FAF1: variants seen among roughly 807,000 people sequenced by gnomAD.
FAF1 encodes FAS-associated factor 1.
Under a neutral mutation model 92.5 loss-of-function variants are expected in FAF1, and 25 were observed. That is an observed-to-expected ratio of 0.27 (90% CI 0.20 to 0.38). The LOEUF is 0.38. FAF1 is among the 10% of genes least tolerant of loss of function. The pLI is 1.00. For missense variants in FAF1, 636 were observed against 793.3 expected (o/e 0.80, Z 2.38); for synonymous variants, 234 against 273.2 (o/e 0.86, Z 1.42).
chr1:50,659,222 TGAA>T (rs1655263652), intron 7 of FAF1, among the ~76,000 whole-genome samples: 1 of 137,738 alleles, frequency 7.3e-6, no homozygotes, highest in Non-Finnish European at 1.5e-5. Context: ...GGAGGGAAGA[TGAA>T]GAAATATGAG....
At chr1:50,606,666 A>AT (rs955006785) in intron 8 of FAF1, among the ~76,000 whole-genome samples, 14 of 151,632 alleles carry the variant, frequency 9.2e-5, no homozygotes, top group Admixed American at 1.3e-4. Flanking sequence ...CACCTGGCTA[A>AT]TTTTTTTGTA....
chr1:50,532,239 T>C (rs1366189030), intron 15 of FAF1, among the ~76,000 whole-genome samples: 3 of 152,166 alleles, frequency 2.0e-5, no homozygotes, highest in East Asian at 3.8e-4. Context: ...ATATGGAGCA[T>C]TGGATTTTTC....
Position 50,441,367 on chromosome 1 carries a change from T to G in FAF1, c.*73A>C. On this transcript the variant is annotated 3_prime_UTR_variant, in exon 19 of 19. Transcript: ENST00000396153. Reference sequence around the variant, plus strand: ...GAGTGAGACGAGCGTGTGGGTGGGTTGGCGAGGAGCCCTTCTCCTGACGCA... The same window carrying G: ...GAGTGAGACGAGCGTGTGGGTGGGTGGGCGAGGAGCCCTTCTCCTGACGCA... The G allele has an allele frequency of 2.3e-6, 2 of 874,968 alleles. No homozygotes were observed. Among genetic ancestry groups the G allele is most frequent in the Non-Finnish European group, 3.5e-6 (2 of 578,026 alleles). 54.2% of individuals were successfully genotyped at this position (874,968 alleles called of 1,614,324 possible). A position where few individuals can be genotyped will look rare whatever the true frequency, so the allele number is the denominator to read the frequency against.
chr1:50,759,373 T>C (rs1239253310), intron 4 of FAF1, among the ~76,000 whole-genome samples: 2 of 141,942 alleles, frequency 1.4e-5, no homozygotes, highest in Non-Finnish European at 3.0e-5. Flanking sequence ...CATTGTTCAA[T>C]TCCCACCTAT....
chr1:50,473,845 C>G (rs949831073), intron 18 of FAF1, among the ~76,000 whole-genome samples: 5 of 152,130 alleles, frequency 3.3e-5, no homozygotes, highest in African/African-American at 1.2e-4. Flanking sequence ...GCAAACCTGA[C>G]AGCCAATGTG....
chr1:50,441,136 A>ATTCTATTTAG lies in FAF1; in HGVS notation c.*294_*303dup, dbSNP rs1463692526. Reference sequence around the variant, plus strand: ...AAAGATGGGCACTGGAGAGGTAAAAATTCTATTTAGTGATCACTCACACTT... The same window carrying ATTCTATTTAG: ...AAAGATGGGCACTGGAGAGGTAAAAATTCTATTTAGTTCTATTTAGTGATCACTCACACTT... On this transcript the variant is annotated 3_prime_UTR_variant, in exon 19 of 19. Transcript: ENST00000396153. 5.7e-5 allele frequency: 15 copies of ATTCTATTTAG among 263,414 alleles called. No individual in the cohort carries two copies. Among genetic ancestry groups the ATTCTATTTAG allele is most frequent in the Non-Finnish European group, 9.3e-5 (13 of 139,742 alleles). The allele number at this position is 263,414 out of a possible 1,614,324, so 16.3% of individuals were successfully genotyped here.
intron 18 of FAF1, among the ~76,000 whole-genome samples, chr1:50,454,830 T>A (rs2148983002): frequency 6.6e-6 from 1 of 152,330 alleles, no homozygotes; most frequent in Non-Finnish European, 1.5e-5. Context: ...TGAGTCTGTC[T>A]CTCCAGCCAG....
intron 7 of FAF1, among the ~76,000 whole-genome samples, chr1:50,676,039 C>T (rs899992535): frequency 6.6e-6 from 1 of 152,138 alleles, no homozygotes; most frequent in Admixed American, 6.5e-5. Flanking sequence ...GGGTCTTTTT[C>T]CTAACATTTC....
At chr1:50,834,404 C>A (rs1048917332) in intron 2 of FAF1, among the ~76,000 whole-genome samples, 2 of 152,224 alleles carry the variant, frequency 1.3e-5, no homozygotes, top group African/African-American at 4.8e-5. Flanking sequence ...CCACTACCAA[C>A]ATGTCATCTC....
At chr1:50,729,347 G>A (rs928175395) in intron 6 of FAF1, among the ~76,000 whole-genome samples, 28 of 143,472 alleles carry the variant, frequency 2.0e-4, no homozygotes, top group Non-Finnish European at 3.1e-4. Context: ...GAGCCACCAC[G>A]CCCGGCCTAT....
intron 6 of FAF1, among the ~76,000 whole-genome samples, chr1:50,714,439 G>T (rs1234977840): frequency 2.0e-5 from 3 of 152,032 alleles, no homozygotes; most frequent in Non-Finnish European, 4.4e-5. Flanking sequence ...CTTGAACCTG[G>T]AAGGCAGAGA....
chr1:50,613,819 C>A (rs576697281), intron 8 of FAF1, among the ~76,000 whole-genome samples: 13 of 152,128 alleles, frequency 8.5e-5, no homozygotes, highest in African/African-American at 3.1e-4. Flanking sequence ...AAAAACCAGG[C>A]AGGGCATGGT....
At chr1:50,687,570 T>G (rs1010903981) in intron 7 of FAF1, among the ~76,000 whole-genome samples, 1 of 151,506 alleles carries the variant, frequency 6.6e-6, no homozygotes, top group Non-Finnish European at 1.5e-5. Context: ...GCCAACAAGG[T>G]GAAACCCCGT....
chr1:50,497,191 A>G (rs1249275836), intron 15 of FAF1, among the ~76,000 whole-genome samples: 1 of 152,154 alleles, frequency 6.6e-6, no homozygotes, highest in African/African-American at 2.4e-5. Context: ...ATGTACAGGA[A>G]ACAATGACAG....
chr1:50,597,227 G>A (rs1049409564), intron 8 of FAF1, among the ~76,000 whole-genome samples: 10 of 152,194 alleles, frequency 6.6e-5, no homozygotes, highest in Non-Finnish European at 1.5e-4. Flanking sequence ...GAAAAGGATG[G>A]ACTCTAGAAA....
At position 50,819,778 on chromosome 1, in the gene FAF1, CATATATATACATATATATATAT is replaced by C. The variant is rs1557543694; in HGVS notation, c.115-18123_115-18102del. On this transcript the variant is annotated intron_variant, in intron 2 of 18. Coordinates refer to ENST00000396153, the MANE Select transcript of FAF1 (RefSeq NM_007051.3). ...ATATATATATACGTATATATATATA[CATATATATACATATATATATAT>C]ACATATATATATATATATAGTATTG... is the stretch of plus-strand genomic sequence containing the variant. Among the ~76,000 whole-genome samples, 55 of 30,450 alleles carry C rather than the reference CATATATATACATATATATATAT, an allele frequency of 1.8e-3. 2 individuals are homozygous for C. Among genetic ancestry groups the C allele is most frequent in the African/African-American group, 5.9e-3 (55 of 9,346 alleles). The allele number at this position is 30,450 out of a possible 152,430, so 20.0% of individuals were successfully genotyped here. A position where few individuals can be genotyped will look rare whatever the true frequency, so the allele number is the denominator to read the frequency against.
intron 7 of FAF1, among the ~76,000 whole-genome samples, chr1:50,674,099 C>T (rs1294728748): frequency 1.3e-5 from 2 of 151,990 alleles, no homozygotes; most frequent in Non-Finnish European, 2.9e-5. Context: ...TACAGGCGTC[C>T]GCCACCACAC....
chr1:50,639,805 G>C (rs1263324707), intron 8 of FAF1, among the ~76,000 whole-genome samples: 1 of 151,914 alleles, frequency 6.6e-6, no homozygotes, highest in East Asian at 1.9e-4. Flanking sequence ...ATGGTGGCAT[G>C]CACCTGTAGT....
At chr1:50,554,584 A>T (rs1039172455) in intron 13 of FAF1, among the ~76,000 whole-genome samples, 1 of 152,070 alleles carries the variant, frequency 6.6e-6, no homozygotes, top group Non-Finnish European at 1.5e-5. Flanking sequence ...TTACAAAACG[A>T]AAGAGGAAGA....
Sources: allele counts gnomAD v4.1 joint callset (sites outside exome capture counted in the v4.1 genomes callset), GRCh38; gene constraint gnomAD v4.1.1; transcripts MANE v1.5; gene names NCBI Gene and HGNC (gene_info 2026-07-23, HGNC 2026-07-21).